Variants in TTLL11 observed in about 807,000 individuals in gnomAD.
TTLL11 encodes tubulin tyrosine ligase like 11.
In TTLL11, 42 loss-of-function variants were observed where a neutral mutation model predicts 51.7. That is an observed-to-expected ratio of 0.81 (90% CI 0.64 to 1.05). TTLL11 has a LOEUF of 1.05. TTLL11 is among the 50% of genes least tolerant of loss of function. The pLI, the probability that TTLL11 is intolerant of heterozygous loss-of-function variation, is 0.00. For synonymous variants in TTLL11, 381 were observed against 383.5 expected (o/e 0.99, Z 0.08); for missense variants, 799 against 940.4 (o/e 0.85, Z 1.97).
intron 6 of TTLL11, among the ~76,000 whole-genome samples, chr9:121,903,131 A>G (rs1839827586): frequency 6.6e-6 from 1 of 152,208 alleles, no homozygotes; most frequent in African/African-American, 2.4e-5. Flanking sequence ...TGTACCTGAA[A>G]CTGCACTGTA....
chr9:121,989,759 C>T lies in TTLL11; in HGVS notation c.705G>A (p.Val235=), dbSNP rs905243771. 2 of 1,598,570 alleles carry T rather than the reference C, an allele frequency of 1.3e-6. No individual in the cohort carries two copies. The highest frequency in any genetic ancestry group is 1.1e-5 in the South Asian group (1 of 89,130). ...FQLFVAQVQM[V]KDDDPSWKPT... ...GCTTCCAGGAGGGGTCATCGTCTTTCACCATTTGAACCTGGAGGGGGAAAA... is the reference window on the plus strand; with the variant it reads ...GCTTCCAGGAGGGGTCATCGTCTTTTACCATTTGAACCTGGAGGGGGAAAA... Residue 235 remains valine, a synonymous_variant, in exon 4 of 9, where the codon GTG becomes GTA. Transcript: ENST00000321582. This position sits in a 1 kb window ranked among gnomAD's most constrained non-coding sequence, Gnocchi z 4.2.
intron 4 of TTLL11, among the ~76,000 whole-genome samples, chr9:121,977,741 C>A (rs1302167239): frequency 6.7e-6 from 1 of 149,660 alleles, no homozygotes; most frequent in Non-Finnish European, 1.5e-5. Context: ...GTGGCACCAT[C>A]TCGGCTCACT....
At chr9:121,923,840 G>A (rs1287013782) in intron 6 of TTLL11, among the ~76,000 whole-genome samples, 3 of 152,126 alleles carry the variant, frequency 2.0e-5, no homozygotes, top group Non-Finnish European at 2.9e-5. Flanking sequence ...TTGCTTTTGT[G>A]CTAGAGAAGT....
At chr9:121,843,478 T>C (rs755194170) in intron 8 of TTLL11, among the ~76,000 whole-genome samples, 3 of 151,966 alleles carry the variant, frequency 2.0e-5, no homozygotes, top group East Asian at 3.9e-4. Flanking sequence ...TGGGGGCCAG[T>C]CTTAGGGGGT....
In TTLL11 at chr9:121,900,370, G is replaced by A. The variant is rs113978734; in HGVS notation, c.1482-29622C>T. Reference sequence around the variant, plus strand: ...AGCTGTCAGTCTTAATTACCACTGTGTGTTAGCACATAATCTGCCTTGTAT... The same window carrying A: ...AGCTGTCAGTCTTAATTACCACTGTATGTTAGCACATAATCTGCCTTGTAT... On this transcript the variant is annotated intron_variant, in intron 6 of 8. Transcript: ENST00000321582. Among the ~76,000 whole-genome samples, 458 of 152,322 alleles carry A rather than the reference G, an allele frequency of 3.0e-3. 3 individuals carry two copies. The highest frequency in any genetic ancestry group is 0.011 in the African/African-American group (440 of 41,560).
At chr9:122,002,293 AT>A (rs1441376440) in intron 3 of TTLL11, among the ~76,000 whole-genome samples, 3 of 152,204 alleles carry the variant, frequency 2.0e-5, no homozygotes, top group Non-Finnish European at 2.9e-5. Context: ...GGGGAAACAG[AT>A]GCCCCGACTG....
chr9:121,833,864 C>T (rs79341886), intron 8 of TTLL11, among the ~76,000 whole-genome samples: 1,542 of 152,264 alleles, frequency 0.01, 31 homozygotes, highest in African/African-American at 0.035. Flanking sequence ...CTTAAAAATA[C>T]CTGAGCTTCC....
intron 1 of TTLL11, among the ~76,000 whole-genome samples, chr9:122,068,631 C>T (rs570213257): frequency 1.3e-5 from 2 of 152,196 alleles, no homozygotes; most frequent in African/African-American, 4.8e-5. Context: ...ATGCACTCAG[C>T]TAGTAAGAAG....
intron 8 of TTLL11, among the ~76,000 whole-genome samples, chr9:121,845,308 G>A (rs1226103822): frequency 6.6e-6 from 1 of 152,126 alleles, no homozygotes; most frequent in African/African-American, 2.4e-5. Context: ...TCTGTATGGA[G>A]TGAAATTATC....
intron 1 of TTLL11, among the ~76,000 whole-genome samples, chr9:122,046,931 G>A (rs16911330): frequency 0.024 from 3,730 of 152,296 alleles, 142 homozygotes; most frequent in African/African-American, 0.085. Context: ...CCTCCTACGC[G>A]CCAAAGGGTC....
chr9:122,013,077 G>A (rs917270584), intron 3 of TTLL11, among the ~76,000 whole-genome samples: 2 of 152,204 alleles, frequency 1.3e-5, no homozygotes, highest in Admixed American at 6.5e-5. Context: ...TGTCCACTTA[G>A]TGAGGGGATA....
chr9:122,081,647 TG>T (rs1320789309), intron 1 of TTLL11, among the ~76,000 whole-genome samples: 1 of 152,242 alleles, frequency 6.6e-6, no homozygotes, highest in Non-Finnish European at 1.5e-5. Flanking sequence ...TCACAGCACC[TG>T]AAGGCAGAAT....
intron 1 of TTLL11, among the ~76,000 whole-genome samples, chr9:122,057,328 T>G (rs927930017): frequency 6.6e-6 from 1 of 150,520 alleles, no homozygotes; most frequent in Non-Finnish European, 1.5e-5. Context: ...AATCCTTTTT[T>G]TTTTTTTTTT....
intron 6 of TTLL11, among the ~76,000 whole-genome samples, chr9:121,924,710 A>G (rs994634385): frequency 1.2e-4 from 18 of 152,044 alleles, no homozygotes; most frequent in Non-Finnish European, 2.1e-4. Flanking sequence ...GAAAGAAAAA[A>G]AAAACAGGCC....
intron 6 of TTLL11, among the ~76,000 whole-genome samples, chr9:121,881,463 A>T (rs543757075): frequency 6.6e-6 from 1 of 152,168 alleles, no homozygotes; most frequent in African/African-American, 2.4e-5. Flanking sequence ...CAGGTCAGAT[A>T]CTCCCTCTTC....
intron 1 of TTLL11, among the ~76,000 whole-genome samples, chr9:122,054,895 G>A (rs1845250125): frequency 6.6e-6 from 1 of 152,114 alleles, no homozygotes; most frequent in African/African-American, 2.4e-5. Context: ...CAGGATATCA[G>A]ACAACTTTAT....
At position 121,838,765 on chromosome 9, in the gene TTLL11, C is replaced by CAAGCAAGCAAGCAAGA. The variant is rs778470598; in HGVS notation, c.1841-15902_1841-15887dup. On this transcript the variant is annotated intron_variant, in intron 8 of 8. Transcript: ENST00000321582. ...GAAAGAGAGAAAGAAAGAGAGAAAG[C>CAAGCAAGCAAGCAAGA]AAGCAAGCAAGCAAGAAAGCAAGCA... Among the ~76,000 whole-genome samples the CAAGCAAGCAAGCAAGA allele has an allele frequency of 1.1e-4, 15 of 138,836 alleles. No homozygotes were observed. In the East Asian group the frequency reaches 2.5e-3, roughly 23 times the overall value. The allele number at this position is 138,836 out of a possible 152,430, so 91.1% of individuals were successfully genotyped here.
intron 1 of TTLL11, among the ~76,000 whole-genome samples, chr9:122,050,584 G>A (rs1166577350): frequency 6.6e-6 from 1 of 152,122 alleles, no homozygotes; most frequent in Non-Finnish European, 1.5e-5. Flanking sequence ...ATGGTCCCCA[G>A]TGATCCCTGC....
chr9:121,963,946 A>G (rs1842319493), intron 6 of TTLL11, among the ~76,000 whole-genome samples: 1 of 152,206 alleles, frequency 6.6e-6, no homozygotes, highest in South Asian at 2.1e-4. Context: ...TGAAGTCAGG[A>G]ACCTCAGACA....
Sources: gnomAD v4.1 joint callset for allele counts (sites outside exome capture counted in the v4.1 genomes callset) on GRCh38, gnomAD v4.1.1 for gene constraint, Gnocchi (gnomAD v3.1) non-coding constraint, MANE v1.5 for transcripts, NCBI Gene and HGNC (gene_info 2026-07-23, HGNC 2026-07-21) for gene names.